RANBP10: variants seen among roughly 807,000 people sequenced by gnomAD.
The protein encoded by RANBP10 is ran-binding protein 10.
Under a neutral mutation model 72.8 loss-of-function variants are expected in RANBP10, and 24 were observed. The observed-to-expected ratio is 0.33, with a 90% confidence interval of 0.24 to 0.46. The LOEUF is 0.46. Among genes scored for constraint, RANBP10 ranks in the 20% least tolerant of loss-of-function variants. The probability of loss-of-function intolerance (pLI) is 1.00; values close to 1 mark genes in which losing one functional copy is unlikely to be tolerated. For missense variants in RANBP10, 679 were observed against 817.5 expected (o/e 0.83, Z 2.07); for synonymous variants, 310 against 322.3 (o/e 0.96, Z 0.41).
In RANBP10 at chr16:67,727,758, ATC is replaced by A; in HGVS notation, c.1611_1612del (p.Glu537AspfsTer24). ...GCCCGGCTCATCCTGTACCTGCAGC[ATC>A]TCTGTGTGGGCCAAATTCTTGCCGT... On this transcript the variant is annotated frameshift_variant, in exon 12 of 14. Coordinates refer to ENST00000317506, the MANE Select transcript of RANBP10 (RefSeq NM_020850.3). LOFTEE classifies it high-confidence loss of function. 1 of 1,614,112 alleles carries A rather than the reference ATC, an allele frequency of 6.2e-7. No homozygotes were observed. Among genetic ancestry groups the A allele is most frequent in the Non-Finnish European group, 8.5e-7 (1 of 1,180,016 alleles).
At chr16:67,806,197 G>T in intron 1 of RANBP10, 105 bp downstream of exon 1, 1 of 1,129,858 alleles carries the variant, frequency 8.9e-7, no homozygotes, top group Non-Finnish European at 1.2e-6. Context: ...GCCCTAACTT[G>T]GAGCACCTAG....
At chr16:67,785,556 C>T (rs758789104) in intron 2 of RANBP10, among the ~76,000 whole-genome samples, 3 of 151,620 alleles carry the variant, frequency 2.0e-5, no homozygotes, top group African/African-American at 7.3e-5. Context: ...GGCAAAACCC[C>T]GTCTCCACTA....
chr16:67,738,063 G>A (rs1300548752), intron 4 of RANBP10, 28 bp from the exon 5 acceptor site: 2 of 1,577,446 alleles, frequency 1.3e-6, no homozygotes, highest in Admixed American at 1.8e-5. Context: ...CAGTCATCAG[G>A]GCCAGCCCCT....
Position 67,729,294 on chromosome 16 carries a change from A to G in RANBP10, c.1338T>C (p.Ser446=). The G allele has an allele frequency of 1.9e-6, 3 of 1,612,464 alleles. No homozygotes were observed. The highest frequency in any genetic ancestry group is 1.3e-5 in the African/African-American group (1 of 75,010). The change falls in exon 10 of 14, where the codon AGT becomes AGC. Residue 446 remains serine, a synonymous_variant. Coordinates refer to ENST00000317506, the MANE Select transcript of RANBP10 (RefSeq NM_020850.3). This position sits in a 1 kb window ranked among gnomAD's most constrained non-coding sequence, Gnocchi z 7.1. ...STKSQHHSST[S]NQETSDSEME... is the part of the protein sequence containing the mutation. ...AAGGCAGGCACCTGGTCTCCTGGTTACTGGTACTGCTGTGGTGCTGGGACT... is the reference window on the plus strand; with the variant it reads ...AAGGCAGGCACCTGGTCTCCTGGTTGCTGGTACTGCTGTGGTGCTGGGACT...
At chr16:67,788,692 A>C (rs868492821) in intron 2 of RANBP10, among the ~76,000 whole-genome samples, 6 of 151,234 alleles carry the variant, frequency 4.0e-5, no homozygotes, top group Non-Finnish European at 7.4e-5. Flanking sequence ...TCCTGCCCCC[A>C]AAATTTTTTT....
intron 3 of RANBP10, among the ~76,000 whole-genome samples, chr16:67,749,019 A>G (rs2054144645): frequency 6.6e-6 from 1 of 152,190 alleles, no homozygotes; most frequent in African/African-American, 2.4e-5. Flanking sequence ...AGTAGCCAGA[A>G]AGCAGGGCAA....
At chr16:67,735,117 TG>T (rs2053817147) in intron 5 of RANBP10, 75 bp from the exon 6 acceptor site, 1 of 1,379,880 alleles carries the variant, frequency 7.2e-7, no homozygotes, top group African/African-American at 1.4e-5. Flanking sequence ...CCTCCATGGC[TG>T]CTGCTGGCCC....
rs755495604 is a variant in RANBP10, at chr16:67,729,635, T to A, written c.1147+45A>T. ...GAAAGGGTATGTGGAGTGGCCTCTCTCCTCCACACCAGTTCTTCCCAGAGC... is the reference window on the plus strand; with the variant it reads ...GAAAGGGTATGTGGAGTGGCCTCTCACCTCCACACCAGTTCTTCCCAGAGC... On this transcript the variant is annotated intron_variant, in intron 9 of 13. Transcript: ENST00000317506. This position sits in a 1 kb window ranked among gnomAD's most constrained non-coding sequence, Gnocchi z 7.1. 1 of 1,575,576 alleles carries A rather than the reference T, an allele frequency of 6.3e-7. No homozygotes were observed. Among genetic ancestry groups the A allele is most frequent in the East Asian group, 2.2e-5 (1 of 44,572 alleles).
At chr16:67,795,804 G>A (rs2055121375) in intron 2 of RANBP10, among the ~76,000 whole-genome samples, 1 of 148,410 alleles carries the variant, frequency 6.7e-6, no homozygotes, top group Non-Finnish European at 1.5e-5. Context: ...GCAGTGAGCT[G>A]AGATCGCACC....
At chr16:67,785,943 G>A (rs965664639) in intron 2 of RANBP10, among the ~76,000 whole-genome samples, 6 of 150,954 alleles carry the variant, frequency 4.0e-5, no homozygotes, top group East Asian at 1.9e-4. Flanking sequence ...GGAGAATGGC[G>A]TTAACTTGGG....
intron 2 of RANBP10, among the ~76,000 whole-genome samples, chr16:67,803,643 T>G: frequency 1.1e-5 from 1 of 88,506 alleles, no homozygotes; most frequent in East Asian, 2.9e-4. Flanking sequence ...GGAGCAAAAC[T>G]CCGTCTCAAA....
At chr16:67,774,154 A>T (rs2054655201) in intron 2 of RANBP10, among the ~76,000 whole-genome samples, 2 of 152,238 alleles carry the variant, frequency 1.3e-5, no homozygotes, top group African/African-American at 4.8e-5. Flanking sequence ...GCACAAGTGC[A>T]ACAGTCAGGG....
At chr16:67,777,345 A>G (rs1230948496) in intron 2 of RANBP10, among the ~76,000 whole-genome samples, 2 of 151,648 alleles carry the variant, frequency 1.3e-5, no homozygotes, top group Admixed American at 6.6e-5. Context: ...GACCATCCTG[A>G]CTAACATGGT....
intron 13 of RANBP10, 148 bp downstream of exon 13, chr16:67,727,179 G>A: frequency 3.0e-6 from 2 of 669,486 alleles, no homozygotes; most frequent in Non-Finnish European, 5.1e-6. Flanking sequence ...CTTAGTCCCA[G>A]CTACTCAGGA....
chr16:67,772,687 C>T (rs1203832405), intron 2 of RANBP10, among the ~76,000 whole-genome samples: 1 of 152,138 alleles, frequency 6.6e-6, no homozygotes, highest in Non-Finnish European at 1.5e-5. Context: ...CCCCCTCACT[C>T]CTCCCACTCT....
At chr16:67,726,749 G>T (rs887648478) in intron 13 of RANBP10, among the ~76,000 whole-genome samples, 191 bp from the exon 14 acceptor site, 1 of 152,218 alleles carries the variant, frequency 6.6e-6, no homozygotes, top group Non-Finnish European at 1.5e-5. Flanking sequence ...GAGGACCTTA[G>T]CCCCATGTAG....
chr16:67,799,530 G>A (rs2055197811), intron 2 of RANBP10, among the ~76,000 whole-genome samples: 2 of 151,982 alleles, frequency 1.3e-5, no homozygotes, highest in Admixed American at 6.6e-5. Flanking sequence ...CTCGTGATCC[G>A]CCCGCCTTGG....
At chr16:67,758,383 C>T (rs1489717924) in intron 3 of RANBP10, among the ~76,000 whole-genome samples, 1 of 152,226 alleles carries the variant, frequency 6.6e-6, no homozygotes, top group Non-Finnish European at 1.5e-5. Context: ...CTTGTTTCCC[C>T]GAGCTCCTTT....
intron 2 of RANBP10, among the ~76,000 whole-genome samples, chr16:67,785,468 C>T (rs1355585155): frequency 6.6e-6 from 1 of 151,946 alleles, no homozygotes; most frequent in Non-Finnish European, 1.5e-5. Context: ...GGGCTCATGC[C>T]TATAATCCCA....
Sources: allele counts gnomAD v4.1 joint callset (sites outside exome capture counted in the v4.1 genomes callset), GRCh38; gene constraint gnomAD v4.1.1; non-coding constraint Gnocchi (gnomAD v3.1); transcripts MANE v1.5; gene names NCBI Gene and HGNC (gene_info 2026-07-23, HGNC 2026-07-21).